TEAD3: variants seen among roughly 807,000 people sequenced by gnomAD.
TEAD3 encodes transcriptional enhancer factor TEF-5.
TEAD3 carries 15 observed loss-of-function variants against 55.6 expected under a neutral mutation model. That is an observed-to-expected ratio of 0.27 (90% CI 0.18 to 0.42). TEAD3 has a LOEUF of 0.42. TEAD3 is among the 10% of genes least tolerant of loss of function. The probability of loss-of-function intolerance (pLI) is 1.00; values close to 1 mark genes in which losing one functional copy is unlikely to be tolerated. For missense variants in TEAD3, 407 were observed against 576.8 expected, an observed-to-expected ratio of 0.71 and a Z score of 3.01; for synonymous variants, 210 against 232.2, an observed-to-expected ratio of 0.90 and a Z score of 0.87.
rs201357104 is a variant in TEAD3 at position 35,475,903 on chromosome 6, G to C, written c.900+16C>G. 48 of 1,520,372 alleles carry C rather than the reference G, an allele frequency of 3.2e-5. No individual in the cohort carries two copies. The Admixed American group carries it at 1.0e-3, about 33-fold the overall frequency. 94.2% of individuals were successfully genotyped at this position (1,520,372 alleles called of 1,614,324 possible). A position where few individuals can be genotyped will look rare whatever the true frequency, so the allele number is the denominator to read the frequency against. ...GGGGAAGGGGGCTTGGAGCAGAGAA[G>C]GCCAGGGGGACTCACCCAGAACTTG... On this transcript the variant is annotated intron_variant, in intron 10 of 12. Coordinates refer to ENST00000639578, the Ensembl canonical transcript of TEAD3. The surrounding 1 kb of genome is among the most constrained non-coding windows in gnomAD (Gnocchi z 5.4).
At chr6:35,474,784 G>A (rs1293687773), downstream of TEAD3, 13 of 455,660 alleles carry the variant, frequency 2.9e-5, no homozygotes, top group Non-Finnish European at 4.7e-5. Context: ...GCGAGGCTGG[G>A]CAGAGCAGGG....
In TEAD3 at chr6:35,489,510, C is replaced by G. The variant is rs141850833; in HGVS notation, c.-49-2799G>C. Among the ~76,000 whole-genome samples, 146 of 152,264 alleles carry G rather than the reference C, an allele frequency of 9.6e-4. 1 individual carries two copies. The highest frequency in any genetic ancestry group is 3.2e-3 in the African/African-American group (131 of 41,538). On this transcript the variant is annotated intron_variant, in intron 1 of 12. Coordinates refer to ENST00000639578, the Ensembl canonical transcript of TEAD3. ...CCAAGCAACTGGAGCAACTTGAAGACCCCCGCACTGCCGTACAGCCCTTTC... is the reference window on the plus strand; with the variant it reads ...CCAAGCAACTGGAGCAACTTGAAGAGCCCCGCACTGCCGTACAGCCCTTTC...
Position 35,485,206 on chromosome 6 carries a change from T to C in TEAD3, c.203-582A>G, listed in dbSNP as rs908543736. On this transcript the variant is annotated intron_variant, in intron 2 of 12. Transcript: ENST00000639578. This position sits in a 1 kb window ranked among gnomAD's most constrained non-coding sequence, Gnocchi z 4.3. ...CACTGACCGCCTCCAATGTGCCTCC[T>C]ACACTGGCGGCCTGTGTCAAGATGT... 6.6e-6 allele frequency among the ~76,000 whole-genome samples: 1 copy of C among 152,196 alleles called. No individual in the cohort carries two copies. The highest frequency in any genetic ancestry group is 2.4e-5 in the African/African-American group (1 of 41,444).
Position 35,486,359 on chromosome 6 carries a change from C to T in TEAD3, c.202+102G>A, listed in dbSNP as rs992644897. The T allele has an allele frequency of 3.2e-5, 44 of 1,382,564 alleles. No individual in the cohort carries two copies. Among genetic ancestry groups the T allele is most frequent in the Admixed American group, 2.1e-4 (9 of 42,202 alleles). The allele number at this position is 1,382,564 out of a possible 1,614,324, so 85.6% of individuals were successfully genotyped here. A position where few individuals can be genotyped will look rare whatever the true frequency, so the allele number is the denominator to read the frequency against. On this transcript the variant is annotated intron_variant, in intron 2 of 12. Transcript: ENST00000639578. The surrounding 1 kb of genome is among the most constrained non-coding windows in gnomAD (Gnocchi z 7.3). The stretch of plus-strand genomic sequence containing the variant: ...ACAGGCTTGCGCGCCCAGACTCGCC[C>T]GGCCAGCGGCTGGCGGCCTCCGACG...
Position 35,480,289 on chromosome 6 carries a change from C to T in TEAD3, c.268-167G>A, listed in dbSNP as rs1259112090. The T allele has an allele frequency of 2.5e-6, 4 of 1,611,710 alleles. No individual in the cohort carries two copies. In the African/African-American group the frequency reaches 5.3e-5, roughly 22 times the overall value. The stretch of plus-strand genomic sequence containing the variant: ...GTGAGGGGCCCAGGAGGGCTGAAGG[C>T]CCCCGCCAGGCACCCAACATACCTT... On this transcript the variant is annotated intron_variant, in intron 3 of 12. Coordinates refer to ENST00000639578, the Ensembl canonical transcript of TEAD3.
chr6:35,477,751 A>G lies in TEAD3; in HGVS notation c.531-379T>C, dbSNP rs576605187. Among the ~76,000 whole-genome samples the G allele has an allele frequency of 9.2e-5, 14 of 152,110 alleles. No homozygotes were observed. The East Asian group carries it at 2.5e-3, about 27-fold the overall frequency. ...TCAGAAACTGAGCAGAAAGTAAACA[A>G]AGAGATGGATGACAAGTGGATGCAT... On this transcript the variant is annotated intron_variant, in intron 7 of 12. Transcript: ENST00000639578.
At chr6:35,492,395 G>A (rs1447026746) in intron 1 of TEAD3, among the ~76,000 whole-genome samples, 3 of 152,026 alleles carry the variant, frequency 2.0e-5, no homozygotes, top group Non-Finnish European at 4.4e-5. Context: ...CACCCTAGAA[G>A]TAGCCATGCT....
Position 35,483,499 on chromosome 6 carries a change from T to C in TEAD3, c.267+1061A>G, listed in dbSNP as rs1244453671. Among the ~76,000 whole-genome samples, 1 of 152,178 alleles carries C rather than the reference T, an allele frequency of 6.6e-6. No individual in the cohort carries two copies. Among genetic ancestry groups the C allele is most frequent in the East Asian group, 1.9e-4 (1 of 5,194 alleles). ...CTTCCCTGGATCAGAAGCCACTAAC[T>C]GTCTCTTACATCATCATTTTTCTCC... On this transcript the variant is annotated intron_variant, in intron 3 of 12. Coordinates refer to ENST00000639578, the Ensembl canonical transcript of TEAD3. The surrounding 1 kb of genome is among the most constrained non-coding windows in gnomAD (Gnocchi z 4.5).
chr6:35,476,351 C>G, exon 9 of TEAD3: 1 of 1,612,658 alleles, frequency 6.2e-7, no homozygotes, highest in Non-Finnish European at 8.5e-7. Context: ...CTCCAGGAGC[C>G]GCAGCCGGGA....
rs1768360710 is a variant in TEAD3, at chr6:35,485,702, A to G, written c.202+759T>C. On this transcript the variant is annotated intron_variant, in intron 2 of 12. Coordinates refer to ENST00000639578, the Ensembl canonical transcript of TEAD3. This position sits in a 1 kb window ranked among gnomAD's most constrained non-coding sequence, Gnocchi z 4.3. ...CACCCTGGACCATCTGCCTGCCCCC[A>G]AGGTGGGGCTCTGGGGCTGGGTGGG... is the stretch of plus-strand genomic sequence containing the variant. 6.6e-6 allele frequency among the ~76,000 whole-genome samples: 1 copy of G among 152,146 alleles called. No individual in the cohort carries two copies. The highest frequency in any genetic ancestry group is 2.4e-5 in the African/African-American group (1 of 41,430).
intron 1 of TEAD3, among the ~76,000 whole-genome samples, chr6:35,490,098 G>A (rs543011209): frequency 3.3e-5 from 5 of 152,170 alleles, no homozygotes; most frequent in Admixed American, 1.3e-4. Flanking sequence ...GGCCTCCCTC[G>A]AGCAGCAGCG....
chr6:35,478,829 T>C (rs189861426), intron 5 of TEAD3, among the ~76,000 whole-genome samples: 130 of 152,060 alleles, frequency 8.5e-4, no homozygotes, highest in African/African-American at 2.4e-3. Flanking sequence ...AAGGCCAATA[T>C]ATGTCAAGAT....
chr6:35,489,138 G>C (rs1466163103), intron 1 of TEAD3, among the ~76,000 whole-genome samples: 1 of 152,152 alleles, frequency 6.6e-6, no homozygotes, highest in East Asian at 1.9e-4. Context: ...ATTGAGTCTA[G>C]ACTTAATATT....
chr6:35,482,945 C>A (rs1167985020), intron 3 of TEAD3, among the ~76,000 whole-genome samples: 1 of 152,176 alleles, frequency 6.6e-6, no homozygotes, highest in Non-Finnish European at 1.5e-5. Flanking sequence ...GCAGCAAATT[C>A]TTCTGCAGCG....
chr6:35,476,168 C>T (rs886114883), intron 9 of TEAD3, 76 bp from the exon 10 acceptor site: 2 of 1,534,784 alleles, frequency 1.3e-6, no homozygotes, highest in African/African-American at 2.7e-5. Flanking sequence ...GAGCACTGCA[C>T]AGGTATAGAA....
At position 35,484,304 on chromosome 6, in the gene TEAD3, C is replaced by T. The variant is rs1768323217; in HGVS notation, c.267+256G>A. Among the ~76,000 whole-genome samples, 1 of 152,192 alleles carries T rather than the reference C, an allele frequency of 6.6e-6. No homozygotes were observed. Among genetic ancestry groups the T allele is most frequent in the African/African-American group, 2.4e-5 (1 of 41,446 alleles). Reference sequence around the variant, plus strand: ...TTATCTGTGGTCCCTGAACCACAGGCCCTGGGCAGGGTAGTAGGTGGTCAG... The same window carrying T: ...TTATCTGTGGTCCCTGAACCACAGGTCCTGGGCAGGGTAGTAGGTGGTCAG... On this transcript the variant is annotated intron_variant, in intron 3 of 12. Coordinates refer to ENST00000639578, the Ensembl canonical transcript of TEAD3. The surrounding 1 kb of genome is among the most constrained non-coding windows in gnomAD (Gnocchi z 5.8).
At position 35,491,971 on chromosome 6, in the gene TEAD3, T is replaced by C. The variant is rs975256523; in HGVS notation, c.-50+4927A>G. On this transcript the variant is annotated intron_variant, in intron 1 of 12. Transcript: ENST00000639578. The surrounding 1 kb of genome is among the most constrained non-coding windows in gnomAD (Gnocchi z 4.4). ...AGACCACCCAGCCCTGTAGCTCCCTTTAGGGGCCCCAGAGCCACTGCCTTG... is the reference window on the plus strand; with the variant it reads ...AGACCACCCAGCCCTGTAGCTCCCTCTAGGGGCCCCAGAGCCACTGCCTTG... Among the ~76,000 whole-genome samples the C allele has an allele frequency of 6.6e-6, 1 of 152,114 alleles. No individual in the cohort carries two copies. Among genetic ancestry groups the C allele is most frequent in the African/African-American group, 2.4e-5 (1 of 41,434 alleles).
rs974013198 is a variant in TEAD3 at position 35,486,373 on chromosome 6, C to G, written c.202+88G>C. 1.4e-6 allele frequency: 2 copies of G among 1,443,944 alleles called. No individual in the cohort carries two copies. The highest frequency in any genetic ancestry group is 1.9e-6 in the Non-Finnish European group (2 of 1,078,042). The allele number at this position is 1,443,944 out of a possible 1,614,324, so 89.4% of individuals were successfully genotyped here. A position where few individuals can be genotyped will look rare whatever the true frequency, so the allele number is the denominator to read the frequency against. Reference sequence around the variant, plus strand: ...CCAGACTCGCCCGGCCAGCGGCTGGCGGCCTCCGACGTCACCAAACCGGTT... The same window carrying G: ...CCAGACTCGCCCGGCCAGCGGCTGGGGGCCTCCGACGTCACCAAACCGGTT... On this transcript the variant is annotated intron_variant, in intron 2 of 12. Transcript: ENST00000639578. The surrounding 1 kb of genome is among the most constrained non-coding windows in gnomAD (Gnocchi z 7.3).
At position 35,491,610 on chromosome 6, in the gene TEAD3, T is replaced by C. The variant is rs1457135931; in HGVS notation, c.-49-4899A>G. Among the ~76,000 whole-genome samples, 1 of 152,262 alleles carries C rather than the reference T, an allele frequency of 6.6e-6. No individual in the cohort carries two copies. The highest frequency in any genetic ancestry group is 1.5e-5 in the Non-Finnish European group (1 of 67,992). ...CATCTGCCTCTGCAGAGGAGTCCTG[T>C]TGTACCTGTCCTGCAAACCCGCCAG... On this transcript the variant is annotated intron_variant, in intron 1 of 12. Transcript: ENST00000639578. The surrounding 1 kb of genome is among the most constrained non-coding windows in gnomAD (Gnocchi z 4.4).
Sources: allele counts gnomAD v4.1 joint callset (sites outside exome capture counted in the v4.1 genomes callset), GRCh38; gene constraint gnomAD v4.1.1; non-coding constraint Gnocchi (gnomAD v3.1); transcripts MANE v1.5; gene names NCBI Gene and HGNC (gene_info 2026-07-23, HGNC 2026-07-21).